Variants in LRP1B observed in about 807,000 individuals in gnomAD.
LRP1B encodes low-density lipoprotein receptor-related protein 1B.
A neutral mutation model predicts 556.6 loss-of-function variants in LRP1B; 217 were observed. That is an observed-to-expected ratio of 0.39 (90% confidence interval 0.35 to 0.44). LRP1B has a LOEUF of 0.44. LRP1B is among the 20% of genes least tolerant of loss of function. The probability of loss-of-function intolerance (pLI) is 1.00; values close to 1 mark genes in which losing one functional copy is unlikely to be tolerated. For synonymous variants in LRP1B, 2,047 were observed against 1,865.8 expected (o/e 1.10, Z -2.50); for missense variants, 5,053 against 5,620.8 (o/e 0.90, Z 3.23).
At chr2:140,638,304 G>A (rs1360398437) in intron 41 of LRP1B, among the ~76,000 whole-genome samples, 1 of 152,144 alleles carries the variant, frequency 6.6e-6, no homozygotes, top group African/African-American at 2.4e-5. Context: ...TTCTGGAGGG[G>A]CATGGTCTAA....
intron 2 of LRP1B, among the ~76,000 whole-genome samples, chr2:141,673,876 ATT>A (rs1389563254): frequency 6.6e-6 from 1 of 151,960 alleles, no homozygotes; most frequent in Non-Finnish European, 1.5e-5. Flanking sequence ...AGGTGTATAT[ATT>A]TATGGGGTAT....
intron 46 of LRP1B, 89 bp from the exon 47 acceptor site, chr2:140,534,229 T>A: frequency 8.2e-7 from 1 of 1,213,146 alleles, no homozygotes; most frequent in Non-Finnish European, 1.2e-6. Context: ...TCATTCATAA[T>A]GACTGGATTA....
intron 77 of LRP1B, among the ~76,000 whole-genome samples, chr2:140,343,998 C>T (rs930536848): frequency 5.3e-5 from 8 of 151,566 alleles, no homozygotes; most frequent in African/African-American, 1.7e-4. Context: ...GTCATAGACA[C>T]GTTCATTAGT....
In LRP1B at chr2:140,234,769, G is replaced by A. The variant is rs748286277; in HGVS notation, c.13659+17C>T. ...TGTGATGAAACGGACATGAAATAAC[G>A]AATATTCTTCTCTCACCCCAGCAGT... On this transcript the variant is annotated intron_variant, in intron 90 of 90. Transcript: ENST00000389484. 1.3e-6 allele frequency: 1 copy of A among 771,598 alleles called. No homozygotes were observed. Among genetic ancestry groups the A allele is most frequent in the Non-Finnish European group, 2.4e-6 (1 of 413,022 alleles). The allele number at this position is 771,598 out of a possible 1,614,324, so 47.8% of individuals were successfully genotyped here.
intron 6 of LRP1B, among the ~76,000 whole-genome samples, chr2:141,197,413 A>T (rs896395778): frequency 2.9e-4 from 44 of 152,118 alleles, no homozygotes; most frequent in African/African-American, 9.4e-4. Flanking sequence ...TTATTTAATT[A>T]TCTGCTCCTT....
chr2:141,101,319 G>A (rs1354241490), intron 7 of LRP1B, among the ~76,000 whole-genome samples: 4 of 152,032 alleles, frequency 2.6e-5, no homozygotes, highest in Non-Finnish European at 4.4e-5. Flanking sequence ...TACTAGTGTA[G>A]GAAAAGAAGT....
At chr2:140,279,953 T>C (rs1039398991) in intron 84 of LRP1B, among the ~76,000 whole-genome samples, 2 of 151,868 alleles carry the variant, frequency 1.3e-5, no homozygotes, top group African/African-American at 4.8e-5. Flanking sequence ...TGTATTGATA[T>C]TTTACTAATC....
intron 1 of LRP1B, among the ~76,000 whole-genome samples, chr2:141,916,988 C>A (rs1558959900): frequency 2.0e-5 from 3 of 152,058 alleles, no homozygotes. Flanking sequence ...AAATGGGTAT[C>A]TTTGTATGAA....
intron 7 of LRP1B, among the ~76,000 whole-genome samples, chr2:141,071,593 A>G (rs1437028158): frequency 3.3e-5 from 5 of 152,198 alleles, no homozygotes; most frequent in South Asian, 2.1e-4. Context: ...ATGACTGTGT[A>G]TCTAGAAAAC....
chr2:140,367,725 A>G (rs1383335530), intron 71 of LRP1B, among the ~76,000 whole-genome samples: 1 of 151,794 alleles, frequency 6.6e-6, no homozygotes, highest in Admixed American at 6.6e-5. Flanking sequence ...CTCAAAATCA[A>G]ATGCCTAGAA....
intron 1 of LRP1B, among the ~76,000 whole-genome samples, chr2:141,834,018 C>T (rs999444216): frequency 1.1e-4 from 17 of 151,684 alleles, no homozygotes; most frequent in Non-Finnish European, 2.5e-4. Flanking sequence ...TACACAAAGG[C>T]ACTTAGAGAA....
intron 1 of LRP1B, among the ~76,000 whole-genome samples, chr2:142,014,144 G>A (rs772684037): frequency 1.4e-4 from 20 of 139,696 alleles, no homozygotes; most frequent in South Asian, 8.3e-4. Flanking sequence ...TCCCTACTCC[G>A]TCTGTGGAGT....
intron 71 of LRP1B, among the ~76,000 whole-genome samples, chr2:140,368,272 T>C (rs1682851069): frequency 6.6e-6 from 1 of 151,852 alleles, no homozygotes; most frequent in Admixed American, 6.6e-5. Context: ...ATATATGAAT[T>C]AACAATAATA....
intron 2 of LRP1B, among the ~76,000 whole-genome samples, chr2:141,686,493 T>C (rs1188601794): frequency 6.6e-6 from 1 of 151,938 alleles, no homozygotes; most frequent in Admixed American, 6.6e-5. Context: ...TATAGGAAAT[T>C]TTATTAATAG....
At chr2:140,563,363 T>G (rs1278191565) in intron 43 of LRP1B, among the ~76,000 whole-genome samples, 1 of 152,236 alleles carries the variant, frequency 6.6e-6, no homozygotes, top group Non-Finnish European at 1.5e-5. Context: ...CATTCTTCTA[T>G]TGCTTAGATA....
chr2:141,552,922 A>G (rs576546842), intron 2 of LRP1B, among the ~76,000 whole-genome samples: 23 of 152,118 alleles, frequency 1.5e-4, no homozygotes, highest in African/African-American at 5.3e-4. Context: ...GGGATTCAAA[A>G]ACTACGTTAT....
At chr2:141,184,786 CAT>C (rs939416009) in intron 7 of LRP1B, among the ~76,000 whole-genome samples, 10 of 151,580 alleles carry the variant, frequency 6.6e-5, no homozygotes, top group African/African-American at 2.4e-4. Flanking sequence ...CCCACCGAGC[CAT>C]ACTCAGAGGT....
intron 2 of LRP1B, among the ~76,000 whole-genome samples, chr2:141,799,812 G>GTA (rs1695945930): frequency 6.6e-6 from 1 of 150,438 alleles, no homozygotes; most frequent in African/African-American, 2.5e-5. Flanking sequence ...GTGTGTCTGT[G>GTA]TGTGTGTGTG....
chr2:141,281,974 C>A (rs1685525369), intron 3 of LRP1B, among the ~76,000 whole-genome samples: 1 of 151,998 alleles, frequency 6.6e-6, no homozygotes, highest in African/African-American at 2.4e-5. Flanking sequence ...GGCCAAATAC[C>A]AAGCCAACTC....
Sources: gnomAD v4.1 joint callset for allele counts (sites outside exome capture counted in the v4.1 genomes callset) on GRCh38, gnomAD v4.1.1 for gene constraint, MANE v1.5 for transcripts, NCBI Gene and HGNC (gene_info 2026-07-23, HGNC 2026-07-21) for gene names.